RBM19: variants seen among roughly 807,000 people sequenced by gnomAD.
RBM19 encodes probable RNA-binding protein 19.
In RBM19, 94 loss-of-function variants were observed where a neutral mutation model predicts 116.8. The observed-to-expected ratio is 0.80, with a 90% CI of 0.68 to 0.95. The LOEUF (loss-of-function observed/expected upper bound fraction) is 0.95. RBM19 is among the 40% of genes least tolerant of loss of function. RBM19 has a pLI of 0.00. For missense variants in RBM19, 1,161 were observed against 1,220.7 expected (o/e 0.95, Z 0.73); for synonymous variants, 475 against 494.1 (o/e 0.96, Z 0.51).
At chr12:113,886,451 A>G (rs148206956) in intron 21 of RBM19, among the ~76,000 whole-genome samples, 100 of 152,302 alleles carry the variant, frequency 6.6e-4, no homozygotes, top group South Asian at 1.5e-3. Context: ...CATTTTAACC[A>G]GTGACAGACC....
chr12:113,873,689 TAAAAA>T (rs146761765), intron 21 of RBM19, among the ~76,000 whole-genome samples: 10 of 127,692 alleles, frequency 7.8e-5, no homozygotes, highest in Non-Finnish European at 1.3e-4. Context: ...AAAAATAAAT[TAAAAA>T]AAAAAAAAAA....
chr12:113,852,813 C>T (rs1274115368), intron 22 of RBM19, among the ~76,000 whole-genome samples: 1 of 152,258 alleles, frequency 6.6e-6, no homozygotes, highest in Non-Finnish European at 1.5e-5. Context: ...AAAGAGGCCG[C>T]TTGATGTCAC....
At chr12:113,938,346 C>T (rs78522172) in intron 15 of RBM19, among the ~76,000 whole-genome samples, 6,343 of 152,042 alleles carry the variant, frequency 0.042, 332 homozygotes, top group Admixed American at 0.15. Context: ...AAGACTATTA[C>T]GGGGTTAAAG....
intron 21 of RBM19, 51 bp downstream of exon 21, chr12:113,914,918 C>G (rs1435590627): frequency 3.3e-6 from 5 of 1,512,530 alleles, no homozygotes; most frequent in Non-Finnish European, 4.6e-6. Context: ...GAGACTCGGG[C>G]AGGCTCCCCG....
At chr12:113,856,477 G>C (rs1244985760) in intron 22 of RBM19, among the ~76,000 whole-genome samples, 1 of 152,226 alleles carries the variant, frequency 6.6e-6, no homozygotes, top group Non-Finnish European at 1.5e-5. Flanking sequence ...CCCAAGGGCT[G>C]TGTCAACTCG....
chr12:113,965,803 T>A (rs1264204003), intron 1 of RBM19, among the ~76,000 whole-genome samples: 1 of 152,206 alleles, frequency 6.6e-6, no homozygotes, highest in Non-Finnish European at 1.5e-5. Context: ...ATTCCCCATG[T>A]CTTCCCCAAC....
At chr12:113,824,332 G>A (rs1174081906) in intron 23 of RBM19, among the ~76,000 whole-genome samples, 1 of 152,184 alleles carries the variant, frequency 6.6e-6, no homozygotes, top group Non-Finnish European at 1.5e-5. Flanking sequence ...CGGGTTCTAG[G>A]CAGAGAACTC....
chr12:113,870,691 G>C (rs1023189596), intron 21 of RBM19, among the ~76,000 whole-genome samples: 1 of 152,144 alleles, frequency 6.6e-6, no homozygotes, highest in Non-Finnish European at 1.5e-5. Context: ...GGGCACAGGT[G>C]GGTAGGTAGA....
chr12:113,943,494 A>ATT (rs11422548), intron 13 of RBM19, among the ~76,000 whole-genome samples: 19 of 150,514 alleles, frequency 1.3e-4, no homozygotes, highest in African/African-American at 3.2e-4. Flanking sequence ...ATAGCTTGCA[A>ATT]TTTTTTTTTT....
At chr12:113,932,264 C>T (rs4767169) in intron 16 of RBM19, among the ~76,000 whole-genome samples, 10,480 of 152,188 alleles carry the variant, frequency 0.069, 776 homozygotes, top group East Asian at 0.41. Context: ...ACTTGCAGGA[C>T]GATGATGAGA....
intron 21 of RBM19, among the ~76,000 whole-genome samples, chr12:113,914,610 G>A (rs2135852520): frequency 6.6e-6 from 1 of 152,352 alleles, no homozygotes; most frequent in African/African-American, 2.4e-5. Context: ...TTAAACCAAA[G>A]GGGTAGCCTG....
chr12:113,860,159 G>A (rs753298831), intron 21 of RBM19, among the ~76,000 whole-genome samples: 4 of 152,238 alleles, frequency 2.6e-5, no homozygotes, highest in Non-Finnish European at 5.9e-5. Context: ...TGGTGACAAG[G>A]CCAGCCTCCC....
chr12:113,909,327 T>C (rs527328558), intron 21 of RBM19, among the ~76,000 whole-genome samples: 4 of 152,224 alleles, frequency 2.6e-5, no homozygotes, highest in African/African-American at 9.6e-5. Context: ...TGCTATGTTG[T>C]CCAGCATAGT....
At chr12:113,937,653 A>G (rs548693010) in intron 15 of RBM19, among the ~76,000 whole-genome samples, 3 of 151,788 alleles carry the variant, frequency 2.0e-5, no homozygotes, top group Admixed American at 2.0e-4. Context: ...CTGTAGTCCT[A>G]GCTACTCAGG....
chr12:113,824,030 A>C (rs888609868), intron 23 of RBM19, among the ~76,000 whole-genome samples: 4 of 152,220 alleles, frequency 2.6e-5, no homozygotes, highest in African/African-American at 9.6e-5. Flanking sequence ...TGAAGAATGC[A>C]GAGGAGTTTT....
chr12:113,845,787 C>A (rs928408022), intron 22 of RBM19, among the ~76,000 whole-genome samples: 2 of 152,214 alleles, frequency 1.3e-5, no homozygotes, highest in South Asian at 2.1e-4. Context: ...TCCCCAAACA[C>A]TCCCACGGCA....
chr12:113,839,282 G>C (rs543886910), intron 23 of RBM19, among the ~76,000 whole-genome samples: 15 of 152,326 alleles, frequency 9.8e-5, no homozygotes, highest in African/African-American at 3.4e-4. Context: ...TGGCCAGGAG[G>C]GCAGGAGGCC....
chr12:113,944,755 T>C (rs892408417), intron 13 of RBM19, among the ~76,000 whole-genome samples: 1 of 151,976 alleles, frequency 6.6e-6, no homozygotes, highest in African/African-American at 2.4e-5. Flanking sequence ...TGAGCTATGG[T>C]CATGTCACTG....
chr12:113,839,886 C>T (rs374944698), intron 23 of RBM19, among the ~76,000 whole-genome samples: 2 of 152,206 alleles, frequency 1.3e-5, no homozygotes, highest in South Asian at 2.1e-4. Flanking sequence ...GTCTTGCTGA[C>T]TCCAAAGTTG....
Sources: gnomAD v4.1 joint callset for allele counts (sites outside exome capture counted in the v4.1 genomes callset) on GRCh38, gnomAD v4.1.1 for gene constraint, MANE v1.5 for transcripts, NCBI Gene and HGNC (gene_info 2026-07-23, HGNC 2026-07-21) for gene names.